ANO6: variants seen among roughly 807,000 people sequenced by gnomAD.
ANO6 encodes the protein anoctamin-6.
A neutral mutation model predicts 117.5 loss-of-function variants in ANO6; 106 were observed. The ratio of observed to expected loss-of-function variants is 0.90; its 90% confidence interval spans 0.77 to 1.06. ANO6 has a LOEUF of 1.06. Ranked by LOEUF, ANO6 falls within the 50% of genes least tolerant of loss-of-function variation. The pLI is 0.00. For missense variants in ANO6, 955 were observed against 1,121.1 expected, an observed-to-expected ratio of 0.85 and a Z score of 2.12; for synonymous variants, 367 against 385.1, an observed-to-expected ratio of 0.95 and a Z score of 0.55.
intron 1 of ANO6, among the ~76,000 whole-genome samples, chr12:45,242,973 C>T (rs1223848691): frequency 6.6e-6 from 1 of 152,130 alleles, no homozygotes; most frequent in East Asian, 1.9e-4. Context: ...ACCCTGTGCA[C>T]TTGTTACTTT....
At chr12:45,439,058 T>C (rs1943740452) in intron 19 of ANO6, among the ~76,000 whole-genome samples, 1 of 152,222 alleles carries the variant, frequency 6.6e-6, no homozygotes, top group East Asian at 1.9e-4. Context: ...CTTGCTCAAG[T>C]CACCAAATCA....
intron 9 of ANO6, among the ~76,000 whole-genome samples, chr12:45,373,257 T>A (rs897324142): frequency 3.9e-5 from 6 of 152,082 alleles, no homozygotes; most frequent in Non-Finnish European, 8.8e-5. Flanking sequence ...CACACATTAA[T>A]AATGGGAGAC....
At chr12:45,351,710 C>A (rs1941285385) in intron 7 of ANO6, among the ~76,000 whole-genome samples, 1 of 152,072 alleles carries the variant, frequency 6.6e-6, no homozygotes, top group Non-Finnish European at 1.5e-5. Context: ...CTGAGATGCA[C>A]ACACATTTGG....
At chr12:45,369,978 T>G (rs541946923) in intron 9 of ANO6, among the ~76,000 whole-genome samples, 74 of 152,322 alleles carry the variant, frequency 4.9e-4, no homozygotes, top group South Asian at 2.9e-3. Context: ...CATAACAAAT[T>G]CTCATTTTTT....
At chr12:45,384,748 A>G (rs543425282) in intron 10 of ANO6, among the ~76,000 whole-genome samples, 21 of 152,230 alleles carry the variant, frequency 1.4e-4, no homozygotes, top group African/African-American at 4.6e-4. Context: ...AAAAGATACA[A>G]TAATAATGAA....
chr12:45,299,864 A>G (rs2137300861), intron 1 of ANO6, among the ~76,000 whole-genome samples: 1 of 152,252 alleles, frequency 6.6e-6, no homozygotes, highest in East Asian at 1.9e-4. Context: ...AAAAAAGAAA[A>G]AGAAAAAGAA....
chr12:45,321,740 GAA>G (rs201414596), intron 2 of ANO6, among the ~76,000 whole-genome samples: 1 of 151,724 alleles, frequency 6.6e-6, no homozygotes, highest in Admixed American at 6.6e-5. Context: ...TATTCTGTGG[GAA>G]AAAAAAGGCA....
intron 1 of ANO6, among the ~76,000 whole-genome samples, chr12:45,244,297 G>C (rs950085388): frequency 6.6e-6 from 1 of 151,748 alleles, no homozygotes; most frequent in Admixed American, 6.6e-5. Context: ...GAAGCCTCAG[G>C]CATAGTGGAT....
chr12:45,348,278 G>A lies in ANO6; in HGVS notation c.596G>A (p.Arg199Lys), dbSNP rs1353037410. The change falls in exon 5 of 20, where the codon AGA (arginine) becomes AAA (lysine). Residue 199 changes from arginine (R) to lysine (K), a missense_variant. Coordinates refer to ENST00000320560, the MANE Select transcript of ANO6 (RefSeq NM_001025356.3). ...ATGAATGATTTTTACATAGTTGATA[G>A]AGATGCTTTCTTCAATCCAGCCACC... The part of the protein sequence containing the change: ...NRMNDFYIVD[R>K]DAFFNPATRS... 4 of 1,614,074 alleles carry A rather than the reference G, an allele frequency of 2.5e-6. No individual in the cohort carries two copies. The highest frequency in any genetic ancestry group is 3.4e-6 in the Non-Finnish European group (4 of 1,179,978).
chr12:45,354,354 A>G (rs1338832636), intron 7 of ANO6, among the ~76,000 whole-genome samples: 1 of 152,230 alleles, frequency 6.6e-6, no homozygotes, highest in African/African-American at 2.4e-5. Context: ...GTTTGACCAT[A>G]TATATGTAAC....
intron 10 of ANO6, chr12:45,383,390 T>C (rs1205518005): frequency 6.6e-6 from 1 of 152,622 alleles, no homozygotes; most frequent in East Asian, 1.9e-4. Context: ...TCTGTTAATG[T>C]TGACATCTTC....
At chr12:45,300,559 G>T (rs1339940394) in intron 1 of ANO6, among the ~76,000 whole-genome samples, 1 of 152,108 alleles carries the variant, frequency 6.6e-6, no homozygotes, top group Non-Finnish European at 1.5e-5. Context: ...TAACTGGTTT[G>T]TCCAAATTAG....
intron 1 of ANO6, among the ~76,000 whole-genome samples, chr12:45,238,067 T>C (rs1200662330): frequency 1.3e-5 from 2 of 152,122 alleles, no homozygotes; most frequent in African/African-American, 4.8e-5. Context: ...TGCACATTGA[T>C]TTTGTATCCT....
At chr12:45,226,958 AAAAAATTAAC>A (rs1416992656) in intron 1 of ANO6, among the ~76,000 whole-genome samples, 3 of 151,212 alleles carry the variant, frequency 2.0e-5, no homozygotes, top group Admixed American at 2.0e-4. Context: ...TCTTTATTTA[AAAAAATTAAC>A]AAAAATTATC....
chr12:45,221,281 T>A (rs1947394996), intron 1 of ANO6, among the ~76,000 whole-genome samples: 1 of 152,214 alleles, frequency 6.6e-6, no homozygotes, highest in African/African-American at 2.4e-5. Context: ...GAGTTTGGTT[T>A]TCTCTGCATC....
At chr12:45,314,974 T>A (rs1358714217) in intron 2 of ANO6, among the ~76,000 whole-genome samples, 2 of 152,022 alleles carry the variant, frequency 1.3e-5, no homozygotes, top group Admixed American at 1.3e-4. Context: ...CCAGTTTGCA[T>A]TGAGCCTAGA....
intron 2 of ANO6, among the ~76,000 whole-genome samples, chr12:45,328,951 G>A (rs116169641): frequency 0.016 from 2,376 of 152,198 alleles, 62 homozygotes; most frequent in African/African-American, 0.051. Flanking sequence ...CCTGCTAGGC[G>A]TAAAGGTTGA....
In ANO6 at chr12:45,278,398, G is replaced by A. The variant is rs532218917; in HGVS notation, c.71-23616G>A. On this transcript the variant is annotated intron_variant, in intron 1 of 19. Coordinates refer to ENST00000320560, the MANE Select transcript of ANO6 (RefSeq NM_001025356.3). ...TTGCCTTCCATTTTGTCTAATCCATGAATACGTCTGTTATTTGGATATTGG... is the reference window on the plus strand; with the variant it reads ...TTGCCTTCCATTTTGTCTAATCCATAAATACGTCTGTTATTTGGATATTGG... Among the ~76,000 whole-genome samples, 9 of 152,314 alleles carry A rather than the reference G, an allele frequency of 5.9e-5. No homozygotes were observed. The South Asian group carries it at 1.9e-3, about 32-fold the overall frequency.
chr12:45,283,303 G>A (rs756803773), intron 1 of ANO6, among the ~76,000 whole-genome samples: 7 of 152,290 alleles, frequency 4.6e-5, no homozygotes, highest in Middle Eastern at 6.8e-3. Flanking sequence ...AAAATGAAGC[G>A]TAGGTTGAAG....
Sources: gnomAD v4.1 joint callset for allele counts (sites outside exome capture counted in the v4.1 genomes callset) on GRCh38, gnomAD v4.1.1 for gene constraint, MANE v1.5 for transcripts, NCBI Gene and HGNC (gene_info 2026-07-23, HGNC 2026-07-21) for gene names.